The following PTGFRN variants were observed in gnomAD, a reference collection of about 807,000 sequenced individuals.
The protein encoded by PTGFRN is prostaglandin F2 receptor inhibitor, also known as prostaglandin F2 receptor negative regulator.
Under a neutral mutation model 83.2 loss-of-function variants are expected in PTGFRN, and 35 were observed. That is an observed-to-expected ratio of 0.42 (90% CI 0.32 to 0.56). PTGFRN has a LOEUF of 0.56. PTGFRN is among the 20% of genes least tolerant of loss of function. PTGFRN has a pLI of 0.11. For synonymous variants in PTGFRN, 519 were observed against 498.6 expected, an observed-to-expected ratio of 1.04 and a Z score of -0.55; for missense variants, 1,051 against 1,179.5, an observed-to-expected ratio of 0.89 and a Z score of 1.60.
chr1:116,926,887 A>G (rs1209321680), intron 1 of PTGFRN, among the ~76,000 whole-genome samples: 1 of 152,218 alleles, frequency 6.6e-6, no homozygotes, highest in Non-Finnish European at 1.5e-5. Flanking sequence ...GAGTTAAAGT[A>G]TCAAGGAAAA....
At chr1:116,955,889 G>A (rs1287134014) in intron 4 of PTGFRN, among the ~76,000 whole-genome samples, 1 of 152,108 alleles carries the variant, frequency 6.6e-6, no homozygotes, top group Non-Finnish European at 1.5e-5. Flanking sequence ...TAGAGAGCAG[G>A]GAGCTTGGCA....
chr1:116,943,885 C>T (rs1040679994), intron 2 of PTGFRN, among the ~76,000 whole-genome samples: 2 of 152,138 alleles, frequency 1.3e-5, no homozygotes, highest in African/African-American at 4.8e-5. Flanking sequence ...TCCTCTTAGC[C>T]AGCTCATGGA....
At chr1:116,972,505 T>C (rs1488157324) in intron 6 of PTGFRN, among the ~76,000 whole-genome samples, 2 of 152,252 alleles carry the variant, frequency 1.3e-5, no homozygotes, top group Non-Finnish European at 2.9e-5. Context: ...AATGAAAATA[T>C]AGCCCTTTCA....
At chr1:116,953,986 G>C (rs1650418041) in intron 4 of PTGFRN, among the ~76,000 whole-genome samples, 1 of 151,594 alleles carries the variant, frequency 6.6e-6, no homozygotes, top group Non-Finnish European at 1.5e-5. Flanking sequence ...CCAAGTAGCT[G>C]GGACTACAGG....
chr1:116,943,832 T>TG (rs746135754), intron 2 of PTGFRN, among the ~76,000 whole-genome samples: 5 of 151,952 alleles, frequency 3.3e-5, no homozygotes, highest in Admixed American at 1.3e-4. Flanking sequence ...AATATGGAAT[T>TG]GGGGGGAAAA....
chr1:116,932,886 C>T (rs1002593534), intron 1 of PTGFRN, among the ~76,000 whole-genome samples: 4 of 152,192 alleles, frequency 2.6e-5, no homozygotes, highest in Admixed American at 6.5e-5. Flanking sequence ...GTTTGAGTCC[C>T]TCACGTTATA....
At chr1:116,910,894 T>C (rs757667117) in intron 1 of PTGFRN, among the ~76,000 whole-genome samples, 11 of 152,190 alleles carry the variant, frequency 7.2e-5, no homozygotes, top group Non-Finnish European at 1.2e-4. Flanking sequence ...GCTGCGTATT[T>C]ATACACAAAG....
intron 1 of PTGFRN, among the ~76,000 whole-genome samples, chr1:116,914,847 G>GT (rs1017792573): frequency 4.9e-5 from 7 of 143,404 alleles, no homozygotes; most frequent in South Asian, 2.3e-4. Flanking sequence ...TGAGTATTTT[G>GT]TTTTTTTTTC....
At chr1:116,925,818 G>A (rs564088291) in intron 1 of PTGFRN, among the ~76,000 whole-genome samples, 12 of 152,244 alleles carry the variant, frequency 7.9e-5, no homozygotes, top group African/African-American at 2.6e-4. Context: ...TCAACTTTCC[G>A]TGATGATGTG....
intron 1 of PTGFRN, among the ~76,000 whole-genome samples, chr1:116,911,713 G>A (rs1206781268): frequency 6.6e-6 from 1 of 152,186 alleles, no homozygotes; most frequent in Non-Finnish European, 1.5e-5. Flanking sequence ...CACAACCACA[G>A]CTCACTGAAG....
chr1:116,929,818 TG>T, intron 1 of PTGFRN, among the ~76,000 whole-genome samples: 1 of 152,330 alleles, frequency 6.6e-6, no homozygotes, highest in South Asian at 2.1e-4. Context: ...GGGGACTGAC[TG>T]GCTGACTTTG....
In PTGFRN at chr1:116,932,890, C is replaced by T. The variant is rs564367076; in HGVS notation, c.50-8825C>T. Among the ~76,000 whole-genome samples, 7 of 152,284 alleles carry T rather than the reference C, an allele frequency of 4.6e-5. No individual in the cohort carries two copies. In the South Asian group the frequency reaches 1.5e-3, roughly 32 times the overall value. The stretch of plus-strand genomic sequence containing the variant: ...ATCAAGTTTGGGTTTGAGTCCCTCA[C>T]GTTATAGCTGTTATGACCTTCAGGA... On this transcript the variant is annotated intron_variant, in intron 1 of 8. Coordinates refer to ENST00000393203, the MANE Select transcript of PTGFRN (RefSeq NM_020440.4).
At position 116,926,686 on chromosome 1, in the gene PTGFRN, G is replaced by A. The variant is rs77485541; in HGVS notation, c.50-15029G>A. ...CAAACTATAAAGCAATGCTATGCAT[G>A]TAAGGTGTCTTTTTTTTGCCAGTTA... On this transcript the variant is annotated intron_variant, in intron 1 of 8. Coordinates refer to ENST00000393203, the MANE Select transcript of PTGFRN (RefSeq NM_020440.4). Among the ~76,000 whole-genome samples, 52 of 152,238 alleles carry A rather than the reference G, an allele frequency of 3.4e-4. No individual in the cohort carries two copies. In the East Asian group the frequency reaches 0.01, roughly 29 times the overall value.
At chr1:116,975,211 A>G (rs561767478) in intron 7 of PTGFRN, among the ~76,000 whole-genome samples, 55 of 152,342 alleles carry the variant, frequency 3.6e-4, no homozygotes, top group African/African-American at 1.2e-3. Flanking sequence ...TTAAGTAGGT[A>G]AACAGAGCTG....
chr1:116,951,922 C>T lies in PTGFRN; in HGVS notation c.1213+2350C>T, dbSNP rs1030164549. Among the ~76,000 whole-genome samples, 9 of 152,036 alleles carry T rather than the reference C, an allele frequency of 5.9e-5. No individual in the cohort carries two copies. In the East Asian group the frequency reaches 9.6e-4, roughly 16 times the overall value. On this transcript the variant is annotated intron_variant, in intron 4 of 8. Transcript: ENST00000393203. ...CAACTTGGGACCAATATAAGGTAAC[C>T]GAGAAGTGACCAAAAAAGATAGACA...
intron 6 of PTGFRN, among the ~76,000 whole-genome samples, chr1:116,973,739 G>T (rs1183720673): frequency 2.0e-5 from 3 of 152,044 alleles, no homozygotes; most frequent in African/African-American, 7.2e-5. Flanking sequence ...CTTCTTACCA[G>T]ATTTCAGCCT....
intron 1 of PTGFRN, among the ~76,000 whole-genome samples, chr1:116,919,512 C>T (rs746041545): frequency 2.0e-5 from 3 of 152,202 alleles, no homozygotes; most frequent in Non-Finnish European, 4.4e-5. Context: ...ATCCTCCCAC[C>T]TCAGCCTCCC....
intron 1 of PTGFRN, 71 bp downstream of exon 1, chr1:116,910,323 C>G: frequency 1.6e-6 from 2 of 1,216,726 alleles, no homozygotes; most frequent in South Asian, 7.2e-5. Flanking sequence ...CGGGGCGCGG[C>G]TGCAGCGCGC....
At chr1:116,922,766 G>A (rs554119722) in intron 1 of PTGFRN, among the ~76,000 whole-genome samples, 1 of 152,340 alleles carries the variant, frequency 6.6e-6, no homozygotes, top group African/African-American at 2.4e-5. Context: ...TCAAGACAAA[G>A]AAGTGTGAAA....
Sources: allele counts gnomAD v4.1 joint callset (sites outside exome capture counted in the v4.1 genomes callset), GRCh38; gene constraint gnomAD v4.1.1; transcripts MANE v1.5; gene names NCBI Gene and HGNC (gene_info 2026-07-23, HGNC 2026-07-21).